Variants in TYR observed in about 807,000 individuals in gnomAD.
TYR encodes LB24-AB.
A neutral mutation model predicts 51.5 loss-of-function variants in TYR; 58 were observed. That is an observed-to-expected ratio of 1.13 (90% CI 0.91 to 1.40). The LOEUF is 1.40. Among genes scored for constraint, TYR ranks in the 40% most tolerant of loss-of-function variants. The pLI is 0.00. For missense variants in TYR, 732 were observed against 647.4 expected (o/e 1.13, Z -1.42); for synonymous variants, 263 against 235.2 (o/e 1.12, Z -1.08).
chr11:89,211,236 T>A (rs780668628), intron 2 of TYR, among the ~76,000 whole-genome samples: 1 of 151,990 alleles, frequency 6.6e-6, no homozygotes, highest in Non-Finnish European at 1.5e-5. Context: ...AAGACACACA[T>A]AGGCTCAAAA....
At chr11:89,248,492 G>T (rs1013142713) in intron 3 of TYR, among the ~76,000 whole-genome samples, 3 of 151,968 alleles carry the variant, frequency 2.0e-5, no homozygotes, top group Admixed American at 6.6e-5. Context: ...GAAGCAGAAG[G>T]CACACATTTA....
chr11:89,243,714 T>C (rs1249182309), intron 3 of TYR, among the ~76,000 whole-genome samples: 2 of 152,182 alleles, frequency 1.3e-5, no homozygotes, highest in Non-Finnish European at 2.9e-5. Context: ...ACTAGCAAAC[T>C]GGCTAAGAAA....
chr11:89,190,219 C>A (rs888143684), intron 1 of TYR, among the ~76,000 whole-genome samples: 2 of 152,116 alleles, frequency 1.3e-5, no homozygotes, highest in Non-Finnish European at 2.9e-5. Flanking sequence ...CAGCCTCAGG[C>A]AGGCTCTCCA....
chr11:89,180,424 A>G (rs574935657), intron 1 of TYR, among the ~76,000 whole-genome samples: 84 of 152,302 alleles, frequency 5.5e-4, no homozygotes, highest in African/African-American at 1.9e-3. Flanking sequence ...TTTTAATTAC[A>G]TGAGATGTGT....
chr11:89,261,965 A>G (rs1944461732), intron 3 of TYR, among the ~76,000 whole-genome samples: 1 of 152,200 alleles, frequency 6.6e-6, no homozygotes, highest in Non-Finnish European at 1.5e-5. Flanking sequence ...TGAATTAAAG[A>G]AAGAATCACA....
intron 2 of TYR, among the ~76,000 whole-genome samples, chr11:89,207,275 T>C (rs1431830650): frequency 6.6e-6 from 1 of 151,602 alleles, no homozygotes; most frequent in Non-Finnish European, 1.5e-5. Context: ...ATATCAAGAA[T>C]CAAAAAAGGG....
intron 3 of TYR, among the ~76,000 whole-genome samples, chr11:89,259,081 A>G (rs1368227276): frequency 6.6e-6 from 1 of 152,086 alleles, no homozygotes; most frequent in Non-Finnish European, 1.5e-5. Flanking sequence ...ATTAACAGAT[A>G]TGGAAGTCTG....
chr11:89,245,240 T>C (rs971040773), intron 3 of TYR, among the ~76,000 whole-genome samples: 9 of 152,272 alleles, frequency 5.9e-5, no homozygotes, highest in African/African-American at 1.9e-4. Flanking sequence ...AGTTACAACA[T>C]TACAAAAATA....
chr11:89,242,792 C>T (rs1422344836), intron 3 of TYR, among the ~76,000 whole-genome samples: 2 of 152,200 alleles, frequency 1.3e-5, no homozygotes, highest in East Asian at 3.9e-4. Context: ...ATGGGAATCC[C>T]TAAAGAGGTC....
At chr11:89,198,771 T>TATATATATATATATATA (rs1565394780) in intron 2 of TYR, among the ~76,000 whole-genome samples, 2 of 123,344 alleles carry the variant, frequency 1.6e-5, no homozygotes, top group African/African-American at 9.0e-5. Flanking sequence ...ATATATATAT[T>TATATATATATATATATA]TTTATACTTT....
chr11:89,284,312 C>A (rs1009604774), intron 3 of TYR, among the ~76,000 whole-genome samples: 3 of 151,804 alleles, frequency 2.0e-5, no homozygotes, highest in African/African-American at 7.3e-5. Context: ...CCACACTTCA[C>A]CTATCACAAC....
intron 2 of TYR, among the ~76,000 whole-genome samples, chr11:89,219,148 TG>T (rs1322796470): frequency 6.6e-6 from 1 of 152,200 alleles, no homozygotes; most frequent in Non-Finnish European, 1.5e-5. Flanking sequence ...ATGCACACAC[TG>T]TAATTTTCTA....
chr11:89,178,149 G>A lies in TYR; in HGVS notation c.196G>A (p.Gly66Arg), dbSNP rs1943249386. Reference protein sequence around the residue: ...QNILLSNAPLGPQFPFTGVDD... With the variant: ...QNILLSNAPLRPQFPFTGVDD... ...TATCCTTCTGTCCAATGCACCACTT[G>A]GGCCTCAATTTCCCTTCACAGGGGT... The change falls in exon 1 of 5, where the codon GGG (glycine) becomes AGG (arginine). Residue 66 changes from glycine to arginine, a missense_variant. Transcript: ENST00000263321. 1 of 1,614,154 alleles carries A rather than the reference G, an allele frequency of 6.2e-7. No homozygotes were observed. The highest frequency in any genetic ancestry group is 1.1e-5 in the South Asian group (1 of 91,080).
intron 3 of TYR, among the ~76,000 whole-genome samples, chr11:89,257,561 T>C (rs1007389641): frequency 5.9e-5 from 9 of 152,022 alleles, no homozygotes; most frequent in African/African-American, 1.9e-4. Context: ...TGATCACACA[T>C]ATGAAATAAT....
chr11:89,258,507 G>T (rs1342431591), intron 3 of TYR, among the ~76,000 whole-genome samples: 1 of 150,804 alleles, frequency 6.6e-6, no homozygotes. Flanking sequence ...AGTATGAAAA[G>T]ATTTTAAAGT....
intron 2 of TYR, among the ~76,000 whole-genome samples, chr11:89,194,428 T>C (rs550342888): frequency 1.3e-5 from 2 of 152,328 alleles, no homozygotes; most frequent in African/African-American, 4.8e-5. Flanking sequence ...ACTCCAGATG[T>C]GGTCCAATTT....
chr11:89,277,883 C>T (rs1309043104), intron 3 of TYR, among the ~76,000 whole-genome samples: 1 of 151,664 alleles, frequency 6.6e-6, no homozygotes, highest in Non-Finnish European at 1.5e-5. Flanking sequence ...GCAACGAAAT[C>T]TGTGTGGTCT....
At chr11:89,252,127 A>G (rs747053001) in intron 3 of TYR, among the ~76,000 whole-genome samples, 2 of 151,780 alleles carry the variant, frequency 1.3e-5, no homozygotes, top group Non-Finnish European at 2.9e-5. Context: ...AAGATATTTT[A>G]TGTGCAATTC....
rs1944765014 is a variant in TYR at position 89,284,916 on chromosome 11, A to G, written c.1328A>G (p.Lys443Arg). The G allele has an allele frequency of 1.2e-6, 2 of 1,611,594 alleles. No homozygotes were observed. Among genetic ancestry groups the G allele is most frequent in the African/African-American group, 1.3e-5 (1 of 74,728 alleles). ...AATGGTGATTTCTTTATTTCATCCAAAGATCTGGGCTATGACTATAGCTAT... is the reference window on the plus strand; with the variant it reads ...AATGGTGATTTCTTTATTTCATCCAGAGATCTGGGCTATGACTATAGCTAT... The part of the protein sequence containing the change: ...YRNGDFFISS[K>R]DLGYDYSYLQ... Residue 443 changes from lysine (K) to arginine (R), a missense_variant, in exon 4 of 5, where the codon AAA becomes AGA. By Grantham distance (26) the Lys-to-Arg change is conservative. Transcript: ENST00000263321.
Sources: allele counts gnomAD v4.1 joint callset (sites outside exome capture counted in the v4.1 genomes callset), GRCh38; gene constraint gnomAD v4.1.1; transcripts MANE v1.5; gene names NCBI Gene and HGNC (gene_info 2026-07-23, HGNC 2026-07-21).